The following UNC5D variants were observed in gnomAD, a reference collection of about 807,000 sequenced individuals.
UNC5D encodes the protein netrin receptor UNC5D.
A neutral mutation model predicts 105.4 loss-of-function variants in UNC5D; 39 were observed. The observed-to-expected ratio is 0.37, with a 90% CI of 0.29 to 0.48. The LOEUF (loss-of-function observed/expected upper bound fraction) is 0.48, where lower values mean the gene tolerates loss of function less well. UNC5D is among the 20% of genes least tolerant of loss of function. UNC5D has a pLI of 0.98. For synonymous variants in UNC5D, 452 were observed against 450.4 expected (o/e 1.00, Z -0.04); for missense variants, 991 against 1,202.4 (o/e 0.82, Z 2.60).
intron 1 of UNC5D, among the ~76,000 whole-genome samples, chr8:35,380,048 C>T: frequency 8.3e-6 from 1 of 120,792 alleles, no homozygotes; most frequent in Non-Finnish European, 1.6e-5. Flanking sequence ...GAGATCTCCT[C>T]TCTTGGCTTG....
chr8:35,431,762 A>C (rs1046760644), intron 1 of UNC5D, among the ~76,000 whole-genome samples: 9 of 152,126 alleles, frequency 5.9e-5, no homozygotes, highest in Non-Finnish European at 1.0e-4. Context: ...TTGATATCAC[A>C]GTACATAGTT....
intron 1 of UNC5D, among the ~76,000 whole-genome samples, chr8:35,327,324 T>C (rs1312251417): frequency 2.0e-5 from 3 of 152,202 alleles, no homozygotes; most frequent in Non-Finnish European, 4.4e-5. Flanking sequence ...AAAGATGCCA[T>C]TTGCTCTGGA....
chr8:35,605,976 T>C (rs969169399), intron 4 of UNC5D, among the ~76,000 whole-genome samples: 4 of 151,400 alleles, frequency 2.6e-5, no homozygotes, highest in Non-Finnish European at 5.9e-5. Context: ...TCAGTTTCCT[T>C]TTTTTTTATT....
chr8:35,647,625 A>C (rs1328835944), intron 4 of UNC5D, among the ~76,000 whole-genome samples: 1 of 152,176 alleles, frequency 6.6e-6, no homozygotes, highest in East Asian at 1.9e-4. Context: ...AATGACTGCT[A>C]TATAGACAAA....
chr8:35,283,337 C>T (rs982647403), intron 1 of UNC5D, among the ~76,000 whole-genome samples: 6 of 152,060 alleles, frequency 3.9e-5, no homozygotes, highest in Admixed American at 1.3e-4. Flanking sequence ...TTTAGCAGGC[C>T]ACTTCCTCTA....
chr8:35,507,984 A>G (rs1032197134), intron 1 of UNC5D, among the ~76,000 whole-genome samples: 3 of 152,166 alleles, frequency 2.0e-5, no homozygotes, highest in African/African-American at 7.2e-5. Context: ...AGTAGGTTGC[A>G]AGGGCTGTGG....
intron 1 of UNC5D, among the ~76,000 whole-genome samples, chr8:35,332,180 G>A (rs1466253538): frequency 2.6e-5 from 4 of 152,192 alleles, no homozygotes; most frequent in Non-Finnish European, 5.9e-5. Context: ...GGGTTAACAT[G>A]ATGCTAGGAG....
At chr8:35,734,979 T>A (rs1829390070) in intron 11 of UNC5D, among the ~76,000 whole-genome samples, 1 of 152,000 alleles carries the variant, frequency 6.6e-6, no homozygotes, top group Admixed American at 6.6e-5. Flanking sequence ...AGACAGGGCA[T>A]ATTGGCCAGG....
At chr8:35,393,341 G>T (rs1803900524) in intron 1 of UNC5D, among the ~76,000 whole-genome samples, 1 of 151,376 alleles carries the variant, frequency 6.6e-6, no homozygotes, top group Admixed American at 6.6e-5. Flanking sequence ...CACCGTGTTA[G>T]CCAGGATGGT....
chr8:35,422,005 T>A (rs1456559414), intron 1 of UNC5D, among the ~76,000 whole-genome samples: 1 of 152,218 alleles, frequency 6.6e-6, no homozygotes, highest in Non-Finnish European at 1.5e-5. Flanking sequence ...ATTAAGAGAA[T>A]CTTTTTTCAA....
At chr8:35,473,162 G>T (rs1809856951) in intron 1 of UNC5D, among the ~76,000 whole-genome samples, 1 of 152,174 alleles carries the variant, frequency 6.6e-6, no homozygotes, top group Admixed American at 6.5e-5. Context: ...AACCTCAGTT[G>T]ACAATGCAGG....
intron 2 of UNC5D, among the ~76,000 whole-genome samples, chr8:35,563,389 A>T (rs1204168610): frequency 6.6e-6 from 1 of 151,424 alleles, no homozygotes; most frequent in East Asian, 1.9e-4. Flanking sequence ...GCTATTATAA[A>T]TGAAATTGCT....
At chr8:35,257,528 T>C (rs1804169662) in intron 1 of UNC5D, among the ~76,000 whole-genome samples, 1 of 152,180 alleles carries the variant, frequency 6.6e-6, no homozygotes, top group Admixed American at 6.5e-5. Flanking sequence ...AAAATTGCAA[T>C]AGTAATACCT....
intron 4 of UNC5D, among the ~76,000 whole-genome samples, chr8:35,666,767 A>G (rs1196085994): frequency 6.6e-6 from 1 of 152,236 alleles, no homozygotes; most frequent in Admixed American, 6.5e-5. Context: ...AACTGAAATG[A>G]AAACTCAATT....
At chr8:35,472,423 C>CA (rs375343386) in intron 1 of UNC5D, among the ~76,000 whole-genome samples, 274 of 148,610 alleles carry the variant, frequency 1.8e-3, no homozygotes, top group African/African-American at 6.2e-3. Flanking sequence ...GAGGAAGGTA[C>CA]AAAAAAAAAG....
intron 1 of UNC5D, among the ~76,000 whole-genome samples, chr8:35,369,174 G>A (rs1051741173): frequency 2.6e-5 from 4 of 152,112 alleles, no homozygotes; most frequent in African/African-American, 7.2e-5. Context: ...TGAGTATACT[G>A]TAATTAAATC....
chr8:35,682,228 G>T (rs1442400060), intron 4 of UNC5D, among the ~76,000 whole-genome samples: 2 of 152,184 alleles, frequency 1.3e-5, no homozygotes, highest in Non-Finnish European at 2.9e-5. Context: ...CTCTCAACGT[G>T]CTGGGATTAC....
intron 4 of UNC5D, among the ~76,000 whole-genome samples, chr8:35,602,873 C>G (rs1357347446): frequency 2.9e-5 from 3 of 102,802 alleles, no homozygotes; most frequent in Admixed American, 1.5e-4. Flanking sequence ...CCCTTCCCCC[C>G]TCCCCCCACC....
chr8:35,511,740 AT>A (rs1210352251), intron 1 of UNC5D, among the ~76,000 whole-genome samples: 46 of 146,218 alleles, frequency 3.1e-4, no homozygotes, highest in African/African-American at 1.1e-3. Flanking sequence ...TAAAAAAAAA[AT>A]TAAAAAAAAA....
Sources: gnomAD v4.1 joint callset for allele counts (sites outside exome capture counted in the v4.1 genomes callset) on GRCh38, gnomAD v4.1.1 for gene constraint, MANE v1.5 for transcripts, NCBI Gene and HGNC (gene_info 2026-07-23, HGNC 2026-07-21) for gene names.